Variants in DOCK4 observed in about 807,000 individuals in gnomAD.
DOCK4 encodes dedicator of cytokinesis 4.
Under a neutral mutation model 268.1 loss-of-function variants are expected in DOCK4, and 97 were observed. The observed-to-expected ratio is 0.36, with a 90% CI of 0.31 to 0.43. The LOEUF (loss-of-function observed/expected upper bound fraction) is 0.43. DOCK4 is among the 20% of genes least tolerant of loss of function. The pLI, the probability that DOCK4 is intolerant of heterozygous loss-of-function variation, is 1.00. For missense variants in DOCK4, 2,145 were observed against 2,455.7 expected (o/e 0.87, Z 2.67); for synonymous variants, 954 against 887.2 (o/e 1.08, Z -1.34).
At chr7:111,818,043 C>T (rs1801687856) in intron 27 of DOCK4, among the ~76,000 whole-genome samples, 1 of 152,190 alleles carries the variant, frequency 6.6e-6, no homozygotes, top group African/African-American at 2.4e-5. Flanking sequence ...GAAATGCTTT[C>T]TTCACAGGAT....
intron 1 of DOCK4, among the ~76,000 whole-genome samples, chr7:112,062,064 A>G (rs145495963): frequency 6.6e-6 from 1 of 152,348 alleles, no homozygotes; most frequent in African/African-American, 2.4e-5. Flanking sequence ...TAAGTGGCAG[A>G]GCAGAAAAGG....
At chr7:111,934,781 C>T (rs577063634) in intron 12 of DOCK4, among the ~76,000 whole-genome samples, 5 of 150,884 alleles carry the variant, frequency 3.3e-5, no homozygotes, top group South Asian at 2.1e-4. Flanking sequence ...CCTCGTGATC[C>T]GCCCGCCTCG....
chr7:111,730,006 T>C (rs1213840117), intron 52 of DOCK4, among the ~76,000 whole-genome samples: 1 of 151,712 alleles, frequency 6.6e-6, no homozygotes, highest in Non-Finnish European at 1.5e-5. Context: ...ATGGCACACA[T>C]TCTCTTAATA....
chr7:111,933,112 A>G (rs1327107707), intron 12 of DOCK4, among the ~76,000 whole-genome samples: 1 of 139,536 alleles, frequency 7.2e-6, no homozygotes, highest in African/African-American at 2.7e-5. Flanking sequence ...ATATATACGT[A>G]TATACACATA....
chr7:111,889,683 G>A (rs1003176520), intron 16 of DOCK4, among the ~76,000 whole-genome samples: 4 of 152,118 alleles, frequency 2.6e-5, no homozygotes, highest in African/African-American at 9.7e-5. Flanking sequence ...GGGCCACAAA[G>A]GGTTTATGGA....
chr7:111,962,211 T>C (rs1478870943), intron 8 of DOCK4, among the ~76,000 whole-genome samples: 1 of 152,152 alleles, frequency 6.6e-6, no homozygotes, highest in Non-Finnish European at 1.5e-5. Context: ...CCTAAAAAAA[T>C]AAACAGTTGC....
At chr7:111,796,883 A>G (rs1438342211) in intron 30 of DOCK4, among the ~76,000 whole-genome samples, 1 of 152,174 alleles carries the variant, frequency 6.6e-6, no homozygotes. Flanking sequence ...ATCCAGTTCC[A>G]TGGCTTGCAG....
intron 1 of DOCK4, among the ~76,000 whole-genome samples, chr7:112,134,238 T>C (rs763072864): frequency 5.0e-4 from 76 of 152,286 alleles, no homozygotes; most frequent in Non-Finnish European, 8.1e-4. Context: ...TCTTCCTCCC[T>C]GAGGCTCGGA....
At chr7:111,907,671 G>A (rs547422754) in intron 13 of DOCK4, among the ~76,000 whole-genome samples, 1 of 152,172 alleles carries the variant, frequency 6.6e-6, no homozygotes, top group Non-Finnish European at 1.5e-5. Context: ...GGGGTCCAGT[G>A]ACTAGAGCTG....
At chr7:111,939,811 G>A (rs991205169) in intron 11 of DOCK4, among the ~76,000 whole-genome samples, 6 of 152,180 alleles carry the variant, frequency 3.9e-5, no homozygotes, top group Non-Finnish European at 7.3e-5. Context: ...CACATTGACT[G>A]TCTGAAGGTA....
At chr7:112,043,710 G>A (rs1234907966) in intron 1 of DOCK4, among the ~76,000 whole-genome samples, 1 of 151,890 alleles carries the variant, frequency 6.6e-6, no homozygotes, top group Non-Finnish European at 1.5e-5. Flanking sequence ...GGATAGAGGG[G>A]ATTTGAGAAT....
intron 1 of DOCK4, among the ~76,000 whole-genome samples, chr7:112,051,654 C>T (rs866887342): frequency 2.0e-5 from 3 of 151,944 alleles, no homozygotes; most frequent in African/African-American, 7.2e-5. Flanking sequence ...TTAATTTTCT[C>T]TTGGCTGCAA....
At chr7:112,070,309 T>C (rs1291498763) in intron 1 of DOCK4, among the ~76,000 whole-genome samples, 18 of 152,158 alleles carry the variant, frequency 1.2e-4, no homozygotes, top group Non-Finnish European at 1.5e-5. Flanking sequence ...GATATTATGA[T>C]TTCAGCACTT....
intron 12 of DOCK4, among the ~76,000 whole-genome samples, chr7:111,918,843 T>C (rs1452976394): frequency 6.6e-6 from 1 of 152,130 alleles, no homozygotes; most frequent in African/African-American, 2.4e-5. Flanking sequence ...CAGTACAGAA[T>C]AAGACGAATT....
chr7:111,827,978 C>T (rs1242102864), intron 26 of DOCK4, among the ~76,000 whole-genome samples: 2 of 152,062 alleles, frequency 1.3e-5, no homozygotes, highest in Non-Finnish European at 2.9e-5. Flanking sequence ...TAATCTTGTG[C>T]TTATAGCAAG....
intron 12 of DOCK4, among the ~76,000 whole-genome samples, chr7:111,933,756 T>A (rs1676755544): frequency 6.6e-6 from 1 of 152,108 alleles, no homozygotes; most frequent in South Asian, 2.1e-4. Flanking sequence ...CAGGACTTTG[T>A]CCAAAGCAAA....
chr7:111,943,434 G>A (rs1017825376), intron 10 of DOCK4, among the ~76,000 whole-genome samples: 24 of 152,044 alleles, frequency 1.6e-4, no homozygotes, highest in Non-Finnish European at 5.9e-5. Flanking sequence ...AAGCAAAAGT[G>A]GTTTACTTTT....
chr7:111,870,320 TTTC>T (rs1460869432), intron 20 of DOCK4, among the ~76,000 whole-genome samples: 2 of 149,972 alleles, frequency 1.3e-5, no homozygotes, highest in Non-Finnish European at 2.9e-5. Context: ...TTCTTTTTCT[TTTC>T]TTTTTTTTTT....
chr7:112,101,288 G>A (rs1402413710), intron 1 of DOCK4, among the ~76,000 whole-genome samples: 1 of 152,210 alleles, frequency 6.6e-6, no homozygotes, highest in Admixed American at 6.5e-5. Context: ...AGTTAAGAAA[G>A]TCATCTACAA....
Sources: allele counts gnomAD v4.1 joint callset (sites outside exome capture counted in the v4.1 genomes callset), GRCh38; gene constraint gnomAD v4.1.1; transcripts MANE v1.5; gene names NCBI Gene and HGNC (gene_info 2026-07-23, HGNC 2026-07-21).